The following RABGAP1 variants were observed in gnomAD, a reference collection of about 807,000 sequenced individuals.
RABGAP1 encodes the protein RAB GTPase activating protein 1.
In RABGAP1, 23 loss-of-function variants were observed where a neutral mutation model predicts 137.6. The ratio of observed to expected loss-of-function variants is 0.17; its 90% CI spans 0.12 to 0.24. RABGAP1 has a LOEUF of 0.24. RABGAP1 is among the 10% of genes least tolerant of loss of function. The probability of loss-of-function intolerance (pLI) is 1.00; values close to 1 mark genes in which losing one functional copy is unlikely to be tolerated. For missense variants in RABGAP1, 906 were observed against 1,275.8 expected, an observed-to-expected ratio of 0.71 and a Z score of 4.42; for synonymous variants, 451 against 450.7, an observed-to-expected ratio of 1.00 and a Z score of -0.01.
At chr9:122,957,428 G>A (rs1834585196) in intron 2 of RABGAP1, among the ~76,000 whole-genome samples, 1 of 152,154 alleles carries the variant, frequency 6.6e-6, no homozygotes, top group Non-Finnish European at 1.5e-5. Context: ...ACCCCTAAGT[G>A]TCAAAACTAG....
At chr9:122,954,885 A>G (rs1834427681) in intron 1 of RABGAP1, among the ~76,000 whole-genome samples, 1 of 152,168 alleles carries the variant, frequency 6.6e-6, no homozygotes, top group Non-Finnish European at 1.5e-5. Flanking sequence ...TCTCTCTAAG[A>G]CTTAATTTCC....
At chr9:123,067,383 TC>T (rs1186211708) in intron 14 of RABGAP1, among the ~76,000 whole-genome samples, 10 of 152,236 alleles carry the variant, frequency 6.6e-5, no homozygotes, top group Non-Finnish European at 1.5e-4. Flanking sequence ...GATTCTTTGC[TC>T]CTTGCCTAAC....
chr9:122,977,972 T>C (rs933248325), intron 2 of RABGAP1, among the ~76,000 whole-genome samples: 5 of 152,172 alleles, frequency 3.3e-5, no homozygotes, highest in African/African-American at 1.2e-4. Context: ...TGTTCTCAAA[T>C]TGCATCTTTT....
intron 13 of RABGAP1, among the ~76,000 whole-genome samples, chr9:123,041,813 A>T (rs1422547063): frequency 6.6e-6 from 1 of 152,248 alleles, no homozygotes; most frequent in Non-Finnish European, 1.5e-5. Context: ...GATTGCTAAG[A>T]TGTCCCTATA....
intron 2 of RABGAP1, among the ~76,000 whole-genome samples, chr9:122,975,250 A>G (rs1588198606): frequency 1.3e-5 from 2 of 152,222 alleles, no homozygotes; most frequent in Admixed American, 6.5e-5. Flanking sequence ...AATATCCTTC[A>G]GAAAAGGATC....
chr9:122,944,340 C>G (rs1218143995), intron 1 of RABGAP1, among the ~76,000 whole-genome samples: 4 of 151,482 alleles, frequency 2.6e-5, no homozygotes, highest in Admixed American at 2.6e-4. Context: ...AGTGATCCTC[C>G]TGCTTCAGCC....
chr9:122,978,396 TA>T (rs1564373818), intron 2 of RABGAP1, among the ~76,000 whole-genome samples: 1 of 152,230 alleles, frequency 6.6e-6, no homozygotes, highest in African/African-American at 2.4e-5. Flanking sequence ...TATAGATCTA[TA>T]AGAATCTTTT....
chr9:123,090,419 C>T, intron 21 of RABGAP1, 34 bp downstream of exon 21: 1 of 1,496,512 alleles, frequency 6.7e-7, no homozygotes. Flanking sequence ...AAAGATCTCA[C>T]TGAGACACTT....
intron 6 of RABGAP1, among the ~76,000 whole-genome samples, chr9:122,992,741 AAT>A (rs931796997): frequency 1.3e-5 from 2 of 148,452 alleles, no homozygotes; most frequent in African/African-American, 2.4e-5. Flanking sequence ...TAAATTATGT[AAT>A]AGTTATATAC....
At chr9:122,967,747 T>C (rs924994670) in intron 2 of RABGAP1, among the ~76,000 whole-genome samples, 1 of 146,268 alleles carries the variant, frequency 6.8e-6, no homozygotes, top group African/African-American at 2.5e-5. Flanking sequence ...CTGAAAAAAA[T>C]TTTTTTTTTT....
At chr9:122,989,492 T>A (rs764447784) in intron 5 of RABGAP1, 21 bp downstream of exon 5, 1 of 1,611,234 alleles carries the variant, frequency 6.2e-7, no homozygotes, top group Non-Finnish European at 8.5e-7. Context: ...AAGAGAAAAC[T>A]CTCTGCAAAT....
intron 19 of RABGAP1, among the ~76,000 whole-genome samples, chr9:123,088,897 T>C (rs1323488279): frequency 1.3e-5 from 2 of 151,998 alleles, no homozygotes; most frequent in East Asian, 3.9e-4. Flanking sequence ...TGAAGTTTAG[T>C]TGGGGAGATG....
rs1205707834 is a variant in RABGAP1 at position 122,996,211 on chromosome 9, C to T, written c.1034+60C>T. The T allele has an allele frequency of 7.1e-6, 11 of 1,554,134 alleles. No homozygotes were observed. The African/African-American group carries it at 1.2e-4, about 18-fold the overall frequency. ...ATTTTGGCTTTTATCAATCTAATGG[C>T]ATAGTTTTACACTGTATTAAAAAAT... On this transcript the variant is annotated intron_variant, in intron 7 of 25. Transcript: ENST00000373647.
intron 11 of RABGAP1, among the ~76,000 whole-genome samples, chr9:123,011,955 T>TCAACAA (rs534225221): frequency 1.3e-4 from 20 of 152,044 alleles, no homozygotes; most frequent in East Asian, 7.7e-4. Flanking sequence ...AAACTCTGTC[T>TCAACAA]CAACAACAAC....
In RABGAP1 at chr9:123,020,340, T is replaced by C. The variant is rs1474473856; in HGVS notation, c.1675T>C (p.Leu559=). The change falls in exon 13 of 26, where the codon TTG becomes CTG. Residue 559 remains leucine, a synonymous_variant. Coordinates refer to ENST00000373647, the MANE Select transcript of RABGAP1 (RefSeq NM_012197.4). The part of the protein sequence containing the change: ...HLNLNVRPKQ[L]SSLVRNGVPE... ...CAACTTGAATGTGAGACCGAAGCAGTTGTCATCCTTAGTAAGAAACGGTGT... is the reference window on the plus strand; with the variant it reads ...CAACTTGAATGTGAGACCGAAGCAGCTGTCATCCTTAGTAAGAAACGGTGT... 3 of 1,594,692 alleles carry C rather than the reference T, an allele frequency of 1.9e-6. No homozygotes were observed. The African/African-American group carries it at 4.0e-5, about 21-fold the overall frequency.
chr9:123,010,522 G>T lies in RABGAP1; in HGVS notation c.1543G>T (p.Glu515Ter). Residue 515 changes from glutamate to a stop codon, truncating the protein, a stop_gained, in exon 11 of 26, where the codon GAG becomes TAG. Coordinates refer to ENST00000373647, the MANE Select transcript of RABGAP1 (RefSeq NM_012197.4). LOFTEE classifies it high-confidence loss of function. ...VIPSPPEDDE[E>*]EDNDEPLLSG... The stretch of plus-strand genomic sequence containing the variant: ...ACCTTCTCCTCCAGAAGATGATGAA[G>T]AGGAAGGTAAACTGTAGGGATAGCT... The T allele has an allele frequency of 6.2e-7, 1 of 1,613,276 alleles. No individual in the cohort carries two copies. The highest frequency in any genetic ancestry group is 8.5e-7 in the Non-Finnish European group (1 of 1,179,358).
chr9:123,091,824 A>G (rs1254540999), intron 21 of RABGAP1, among the ~76,000 whole-genome samples: 3 of 152,092 alleles, frequency 2.0e-5, no homozygotes, highest in Non-Finnish European at 4.4e-5. Context: ...TCTGCTCATC[A>G]GGGTTGAGTT....
chr9:122,931,689 A>T, the RABGAP1 span, among the ~76,000 whole-genome samples: 1 of 152,150 alleles, frequency 6.6e-6, no homozygotes, highest in Admixed American at 6.5e-5. Context: ...AGGGCACCGT[A>T]CTCTGGGCAC....
At position 123,102,759 on chromosome 9, in the gene RABGAP1, C is replaced by T. The variant is rs182907108; in HGVS notation, c.3088-332C>T. Among the ~76,000 whole-genome samples the T allele has an allele frequency of 2.6e-5, 4 of 152,094 alleles. 1 individual carries two copies. The highest frequency in any genetic ancestry group is 5.9e-5 in the Non-Finnish European group (4 of 67,950). On this transcript the variant is annotated intron_variant, in intron 25 of 25. Coordinates refer to ENST00000373647, the MANE Select transcript of RABGAP1 (RefSeq NM_012197.4). ...ATTGCGAAGCATTTCAAATGCCATG[C>T]TAGGGAGTTTAAAGATTTTTGCCAA...
Sources: gnomAD v4.1 joint callset for allele counts (sites outside exome capture counted in the v4.1 genomes callset) on GRCh38, gnomAD v4.1.1 for gene constraint, MANE v1.5 for transcripts, NCBI Gene and HGNC (gene_info 2026-07-23, HGNC 2026-07-21) for gene names.